DDX4: variants seen among roughly 807,000 people sequenced by gnomAD.
The protein encoded by DDX4 is probable ATP-dependent RNA helicase DDX4.
Under a neutral mutation model 100.0 loss-of-function variants are expected in DDX4, and 25 were observed. The observed-to-expected ratio is 0.25, with a 90% confidence interval of 0.18 to 0.35. The LOEUF (loss-of-function observed/expected upper bound fraction) is 0.35, where lower values mean the gene tolerates loss of function less well. Ranked by LOEUF, DDX4 falls within the 10% of genes least tolerant of loss-of-function variation. DDX4 has a pLI of 1.00. For synonymous variants in DDX4, 259 were observed against 275.7 expected, an observed-to-expected ratio of 0.94 and a Z score of 0.60; for missense variants, 635 against 882.4, an observed-to-expected ratio of 0.72 and a Z score of 3.55.
At chr5:55,743,878 G>C (rs9968698) in intron 2 of DDX4, among the ~76,000 whole-genome samples, 1 of 143,876 alleles carries the variant, frequency 7.0e-6, no homozygotes, top group African/African-American at 2.6e-5. Context: ...GTTCTTTAGT[G>C]TAAGAGTGTT....
At chr5:55,757,967 C>A (rs955288779) in intron 3 of DDX4, among the ~76,000 whole-genome samples, 1 of 152,188 alleles carries the variant, frequency 6.6e-6, no homozygotes, top group African/African-American at 2.4e-5. Flanking sequence ...ATTGCTTGAA[C>A]CTGGGGGTCA....
chr5:55,797,538 AAAG>A (rs746292398), intron 17 of DDX4, among the ~76,000 whole-genome samples: 5 of 152,198 alleles, frequency 3.3e-5, no homozygotes, highest in Non-Finnish European at 7.3e-5. Context: ...AAGTAAGGAG[AAAG>A]AAGAAGCAGT....
chr5:55,771,579 T>C (rs528530493), intron 7 of DDX4, among the ~76,000 whole-genome samples: 26 of 152,324 alleles, frequency 1.7e-4, no homozygotes, highest in African/African-American at 6.3e-4. Flanking sequence ...TTGTCATTAG[T>C]ACATACTCAG....
chr5:55,791,133 A>G (rs17643358), intron 16 of DDX4, among the ~76,000 whole-genome samples: 17,154 of 152,200 alleles, frequency 0.11, 1,069 homozygotes, highest in Middle Eastern at 0.15. Context: ...TCTGTCTCCT[A>G]TGTAAGCATG....
intron 10 of DDX4, among the ~76,000 whole-genome samples, chr5:55,783,071 C>A (rs1245383567): frequency 6.6e-6 from 1 of 152,062 alleles, no homozygotes; most frequent in Non-Finnish European, 1.5e-5. Context: ...GGATTACAGG[C>A]ATGAGCCACT....
chr5:55,754,028 C>T (rs1298466109), intron 3 of DDX4, among the ~76,000 whole-genome samples: 1 of 129,418 alleles, frequency 7.7e-6, no homozygotes, highest in African/African-American at 2.9e-5. Flanking sequence ...ATTTTGTATC[C>T]TGAGACTTTG....
intron 2 of DDX4, among the ~76,000 whole-genome samples, chr5:55,743,210 T>C (rs1176803990): frequency 2.0e-5 from 3 of 152,212 alleles, no homozygotes; most frequent in Non-Finnish European, 2.9e-5. Context: ...TCTTTGCTTC[T>C]TCTAGCTTCT....
At chr5:55,774,950 G>T (rs1259655495) in intron 7 of DDX4, among the ~76,000 whole-genome samples, 1 of 152,156 alleles carries the variant, frequency 6.6e-6, no homozygotes, top group Non-Finnish European at 1.5e-5. Flanking sequence ...TTGGCATTAA[G>T]TGCACAGTAT....
intron 2 of DDX4, among the ~76,000 whole-genome samples, chr5:55,743,720 G>A (rs1026570359): frequency 1.1e-4 from 17 of 152,258 alleles, no homozygotes; most frequent in South Asian, 1.0e-3. Flanking sequence ...GTGAGCCACC[G>A]CGCCCAACCA....
chr5:55,745,016 G>T (rs1419353982), intron 2 of DDX4, among the ~76,000 whole-genome samples: 1 of 152,076 alleles, frequency 6.6e-6, no homozygotes, highest in Non-Finnish European at 1.5e-5. Flanking sequence ...GAGTAGCTGG[G>T]ATTACAGGCG....
chr5:55,816,645 G>A lies in DDX4; in HGVS notation c.*105G>A. On this transcript the variant is annotated 3_prime_UTR_variant, in exon 22 of 22. Coordinates refer to ENST00000505374, the MANE Select transcript of DDX4 (RefSeq NM_024415.3). ...AAAACTTAACATTCTCATAGCTCCT[G>A]TCCTTGTATTCTCACTCCTACACTT... 6.6e-7 allele frequency: 1 copy of A among 1,508,640 alleles called. No homozygotes were observed. The highest frequency in any genetic ancestry group is 1.3e-5 in the South Asian group (1 of 76,466). 93.5% of individuals were successfully genotyped at this position (1,508,640 alleles called of 1,614,324 possible).
chr5:55,809,537 T>C (rs1160856765), intron 18 of DDX4, among the ~76,000 whole-genome samples: 1 of 152,210 alleles, frequency 6.6e-6, no homozygotes. Flanking sequence ...ATCAAGAATA[T>C]AAAGTAAATA....
At chr5:55,775,227 T>C (rs144680341) in intron 7 of DDX4, among the ~76,000 whole-genome samples, 279 of 152,326 alleles carry the variant, frequency 1.8e-3, no homozygotes, top group African/African-American at 4.8e-3. Flanking sequence ...AATAATATAA[T>C]GTATTTACCA....
At chr5:55,789,631 T>G (rs1007303875) in intron 15 of DDX4, among the ~76,000 whole-genome samples, 1 of 152,234 alleles carries the variant, frequency 6.6e-6, no homozygotes, top group African/African-American at 2.4e-5. Flanking sequence ...CAGGAGTGGC[T>G]ATATTATAAT....
intron 3 of DDX4, among the ~76,000 whole-genome samples, chr5:55,749,956 A>G (rs771830346): frequency 6.6e-5 from 10 of 151,508 alleles, no homozygotes; most frequent in Non-Finnish European, 1.3e-4. Flanking sequence ...GTTTCTGTAG[A>G]GAATCCACAG....
At position 55,739,540 on chromosome 5, in the gene DDX4, G is replaced by A. The variant is rs138753570; in HGVS notation, c.69+508G>A. 2.8e-4 allele frequency among the ~76,000 whole-genome samples: 42 copies of A among 152,272 alleles called. No homozygotes were observed. In the East Asian group the frequency reaches 7.7e-3, roughly 28 times the overall value. On this transcript the variant is annotated intron_variant, in intron 2 of 21. Transcript: ENST00000505374. ...TGTAATTTAGGGGACAGTGGGGTAAGTTTTTTGGGCTTCAGTTCTGACTTG... is the reference window on the plus strand; with the variant it reads ...TGTAATTTAGGGGACAGTGGGGTAAATTTTTTGGGCTTCAGTTCTGACTTG...
At chr5:55,785,401 C>T in intron 11 of DDX4, 46 bp from the exon 12 acceptor site, 1 of 1,587,776 alleles carries the variant, frequency 6.3e-7, no homozygotes, top group Admixed American at 1.7e-5. Flanking sequence ...TTTTACCTTT[C>T]AATTTTAAAA....
At chr5:55,804,964 G>A (rs1743597178) in intron 18 of DDX4, among the ~76,000 whole-genome samples, 1 of 151,724 alleles carries the variant, frequency 6.6e-6, no homozygotes, top group African/African-American at 2.4e-5. Context: ...AGCATGGAAT[G>A]TTCTTCCATT....
intron 18 of DDX4, among the ~76,000 whole-genome samples, chr5:55,804,324 T>G (rs1453565126): frequency 6.6e-6 from 1 of 151,514 alleles, no homozygotes; most frequent in Non-Finnish European, 1.5e-5. Flanking sequence ...CTCTTTAGTT[T>G]AATTAGATCC....
Sources: gnomAD v4.1 joint callset for allele counts (sites outside exome capture counted in the v4.1 genomes callset) on GRCh38, gnomAD v4.1.1 for gene constraint, MANE v1.5 for transcripts, NCBI Gene and HGNC (gene_info 2026-07-23, HGNC 2026-07-21) for gene names.